The following FSTL5 variants were observed in gnomAD, a reference collection of about 807,000 sequenced individuals.
The protein encoded by FSTL5 is follistatin-related protein 5.
In FSTL5, 62 loss-of-function variants were observed where a neutral mutation model predicts 89.1. The observed-to-expected ratio is 0.70, with a 90% CI of 0.57 to 0.86. The LOEUF (loss-of-function observed/expected upper bound fraction) is 0.86, where lower values mean the gene tolerates loss of function less well. Among genes scored for constraint, FSTL5 ranks in the 40% least tolerant of loss-of-function variants. The pLI, the probability that FSTL5 is intolerant of heterozygous loss-of-function variation, is 0.00. For synonymous variants in FSTL5, 383 were observed against 346.2 expected, an observed-to-expected ratio of 1.11 and a Z score of -1.18; for missense variants, 1,057 against 1,001.6, an observed-to-expected ratio of 1.06 and a Z score of -0.75.
chr4:161,750,155 A>T (rs1740348119), intron 6 of FSTL5, among the ~76,000 whole-genome samples: 1 of 152,216 alleles, frequency 6.6e-6, no homozygotes, highest in Non-Finnish European at 1.5e-5. Flanking sequence ...ATTAATACAA[A>T]GTTCACACCA....
At chr4:161,997,706 G>A (rs1402151002) in intron 3 of FSTL5, among the ~76,000 whole-genome samples, 3 of 148,872 alleles carry the variant, frequency 2.0e-5, no homozygotes, top group African/African-American at 4.9e-5. Flanking sequence ...CCGGGTGCAC[G>A]CTATTCTCCT....
intron 1 of FSTL5, among the ~76,000 whole-genome samples, chr4:162,131,440 A>C (rs1411125808): frequency 6.6e-6 from 1 of 152,228 alleles, no homozygotes; most frequent in Non-Finnish European, 1.5e-5. Context: ...CCTGTTGTCC[A>C]CTTAGGAACA....
At chr4:161,658,728 A>G (rs1736606139) in intron 6 of FSTL5, among the ~76,000 whole-genome samples, 2 of 152,230 alleles carry the variant, frequency 1.3e-5, no homozygotes, top group South Asian at 4.1e-4. Context: ...AAACTTACAG[A>G]AAGTGAGAAC....
chr4:161,987,365 G>T (rs1241042315), intron 3 of FSTL5, among the ~76,000 whole-genome samples: 5 of 151,270 alleles, frequency 3.3e-5, no homozygotes, highest in Non-Finnish European at 7.4e-5. Flanking sequence ...ATAAAGAAGT[G>T]AGGGAAGATA....
At position 161,455,111 on chromosome 4, in the gene FSTL5, A is replaced by C; in HGVS notation, c.1734T>G (p.Ser578Arg). The C allele has an allele frequency of 1.2e-6, 2 of 1,609,526 alleles. No individual in the cohort carries two copies. Among genetic ancestry groups the C allele is most frequent in the Non-Finnish European group, 8.5e-7 (1 of 1,177,940 alleles). ...GGATCGTGTGGTGAGGCACATTCCC[A>C]CTGGCCAGGGTAATTACCTAAAGAG... The part of the protein sequence containing the change: ...SPTLQVITLA[S>R]GNVPHHTIHT... The change falls in exon 15 of 16, where the codon AGT (serine) becomes AGG (arginine). Residue 578 changes from serine to arginine, a missense_variant. By Grantham distance (110) the Ser-to-Arg change is moderately radical. Coordinates refer to ENST00000306100, the MANE Select transcript of FSTL5 (RefSeq NM_020116.5).
chr4:161,817,204 G>A (rs566700744), intron 4 of FSTL5, among the ~76,000 whole-genome samples: 1 of 152,246 alleles, frequency 6.6e-6, no homozygotes, highest in Non-Finnish European at 1.5e-5. Flanking sequence ...GCTGAAACAT[G>A]CGTGTGTCAT....
chr4:162,069,573 C>A (rs568297744), intron 2 of FSTL5, among the ~76,000 whole-genome samples: 6 of 152,036 alleles, frequency 3.9e-5, no homozygotes, highest in African/African-American at 1.4e-4. Context: ...CCTCTAATAA[C>A]CACAATTCTG....
chr4:162,066,590 C>G (rs113643225), intron 2 of FSTL5, among the ~76,000 whole-genome samples: 8 of 142,084 alleles, frequency 5.6e-5, no homozygotes, highest in African/African-American at 1.1e-4. Flanking sequence ...CTTGCCCCCC[C>G]ACCCCCTGAC....
chr4:162,044,853 T>A (rs1233870332), intron 2 of FSTL5, among the ~76,000 whole-genome samples: 1 of 152,222 alleles, frequency 6.6e-6, no homozygotes, highest in East Asian at 1.9e-4. Context: ...CTTCTGCAGC[T>A]TTCTCACCTC....
chr4:162,003,550 C>T (rs1244473705), intron 3 of FSTL5, among the ~76,000 whole-genome samples: 1 of 152,056 alleles, frequency 6.6e-6, no homozygotes, highest in South Asian at 2.1e-4. Flanking sequence ...CACAGCAAGG[C>T]AGCCAGGCAG....
chr4:161,694,867 A>G (rs1738083606), intron 6 of FSTL5, among the ~76,000 whole-genome samples: 1 of 146,270 alleles, frequency 6.8e-6, no homozygotes, highest in Non-Finnish European at 1.5e-5. Flanking sequence ...TTTTTGCAAA[A>G]AGATGTAGTA....
At chr4:161,849,073 T>C (rs988883261) in intron 4 of FSTL5, among the ~76,000 whole-genome samples, 1 of 152,176 alleles carries the variant, frequency 6.6e-6, no homozygotes, top group African/African-American at 2.4e-5. Flanking sequence ...TCATTTACTT[T>C]ACTGAACATA....
At chr4:161,654,180 G>C (rs534187285) in intron 7 of FSTL5, among the ~76,000 whole-genome samples, 32 of 152,192 alleles carry the variant, frequency 2.1e-4, no homozygotes, top group African/African-American at 7.5e-4. Context: ...GAATTTCTCA[G>C]ATCCATGTAC....
At chr4:161,472,070 G>A (rs527336343) in intron 13 of FSTL5, among the ~76,000 whole-genome samples, 92 of 150,178 alleles carry the variant, frequency 6.1e-4, no homozygotes, top group African/African-American at 2.0e-3. Context: ...TCCACCTCCC[G>A]GGTTCACGCC....
chr4:162,132,953 C>CT (rs1049573100), intron 1 of FSTL5, among the ~76,000 whole-genome samples: 4 of 151,060 alleles, frequency 2.6e-5, no homozygotes, highest in Non-Finnish European at 5.9e-5. Context: ...ATTTTTTTTT[C>CT]TTTTTTTGAG....
chr4:161,858,686 C>A (rs1299516571), intron 4 of FSTL5, among the ~76,000 whole-genome samples: 2 of 152,178 alleles, frequency 1.3e-5, no homozygotes, highest in Non-Finnish European at 2.9e-5. Context: ...ATTAGCTCTG[C>A]ACTGTGAATA....
chr4:161,738,720 G>A (rs755814553), intron 6 of FSTL5, among the ~76,000 whole-genome samples: 14 of 151,990 alleles, frequency 9.2e-5, no homozygotes, highest in Non-Finnish European at 1.8e-4. Context: ...TCACATACTT[G>A]GAAAATTGCA....
rs969393416 is a variant in FSTL5, at chr4:161,589,511, T to G, written c.895-1936A>C. On this transcript the variant is annotated intron_variant, in intron 7 of 15. Transcript: ENST00000306100. Reference sequence around the variant, plus strand: ...TTTTGTATTTTTAGCAGAGACAGGTTTTCACTATGTTGGCCATGCTGATCT... The same window carrying G: ...TTTTGTATTTTTAGCAGAGACAGGTGTTCACTATGTTGGCCATGCTGATCT... Among the ~76,000 whole-genome samples, 67 of 152,110 alleles carry G rather than the reference T, an allele frequency of 4.4e-4. 1 individual carries two copies. The highest frequency in any genetic ancestry group is 1.6e-3 in the African/African-American group (67 of 41,468).
chr4:161,733,096 T>C (rs1322362779), intron 6 of FSTL5, among the ~76,000 whole-genome samples: 1 of 151,988 alleles, frequency 6.6e-6, no homozygotes, highest in Non-Finnish European at 1.5e-5. Context: ...CTTAATAATA[T>C]TGAGTCTTCT....
Sources: allele counts gnomAD v4.1 joint callset (sites outside exome capture counted in the v4.1 genomes callset), GRCh38; gene constraint gnomAD v4.1.1; transcripts MANE v1.5; gene names NCBI Gene and HGNC (gene_info 2026-07-23, HGNC 2026-07-21).